Variants in LRRK1 observed in about 807,000 individuals in gnomAD.
LRRK1 encodes leucine-rich repeat serine/threonine-protein kinase 1.
A neutral mutation model predicts 209.1 loss-of-function variants in LRRK1; 113 were observed. The observed-to-expected ratio is 0.54, with a 90% CI of 0.46 to 0.63. The LOEUF is 0.63. Ranked by LOEUF, LRRK1 falls within the 30% of genes least tolerant of loss-of-function variation. LRRK1 has a pLI of 0.00. For synonymous variants in LRRK1, 1,144 were observed against 1,099.7 expected (o/e 1.04, Z -0.80); for missense variants, 2,284 against 2,632.2 (o/e 0.87, Z 2.89).
chr15:101,001,884 T>C (rs2032709472), intron 6 of LRRK1, among the ~76,000 whole-genome samples: 1 of 152,202 alleles, frequency 6.6e-6, no homozygotes, highest in South Asian at 2.1e-4. Context: ...CTATGAATTC[T>C]GCTGTGGGGT....
intron 12 of LRRK1, among the ~76,000 whole-genome samples, chr15:101,017,603 CCG>C (rs2033602500): frequency 6.6e-6 from 1 of 152,048 alleles, no homozygotes; most frequent in African/African-American, 2.4e-5. Flanking sequence ...CTATTGTGAA[CCG>C]CGTCTGTGAG....
rs1400436058 is a variant in LRRK1 at position 101,074,816 on chromosome 15, G to C, written c.*5968G>C. ...CCTCCCCCAGGAGCTTGCTACAAGTGCCAGAAATCTGGCCACCAGGCCAAG... is the reference window on the plus strand; with the variant it reads ...CCTCCCCCAGGAGCTTGCTACAAGTCCCAGAAATCTGGCCACCAGGCCAAG... On this transcript the variant is annotated 3_prime_UTR_variant, in exon 34 of 34. Coordinates refer to ENST00000388948, the MANE Select transcript of LRRK1 (RefSeq NM_024652.6). 1 of 152,042 alleles carries C rather than the reference G, an allele frequency of 6.6e-6. No homozygotes were observed. Among genetic ancestry groups the C allele is most frequent in the South Asian group, 2.1e-4 (1 of 4,822 alleles). The allele number at this position is 152,042 out of a possible 1,614,324, so 9.4% of individuals were successfully genotyped here. A position where few individuals can be genotyped will look rare whatever the true frequency, so the allele number is the denominator to read the frequency against.
At chr15:101,049,811 TC>T in intron 23 of LRRK1, 28 bp downstream of exon 23, 1 of 1,600,884 alleles carries the variant, frequency 6.2e-7, no homozygotes, top group Non-Finnish European at 8.5e-7. Flanking sequence ...AAGCAAGCCC[TC>T]ATTCATGCTA....
At chr15:101,044,594 G>A (rs6598427) in intron 20 of LRRK1, among the ~76,000 whole-genome samples, 113,486 of 152,140 alleles carry the variant, frequency 0.75, 44,124 homozygotes, top group South Asian at 0.88. Flanking sequence ...TATTTGCCAT[G>A]TCACCTTCTA....
At chr15:101,037,164 A>G (rs2034523836) in intron 20 of LRRK1, among the ~76,000 whole-genome samples, 1 of 152,146 alleles carries the variant, frequency 6.6e-6, no homozygotes, top group Non-Finnish European at 1.5e-5. Context: ...GGCAGCTGGC[A>G]TGGTGTGGGT....
chr15:101,018,984 G>C (rs2033663656), intron 12 of LRRK1, among the ~76,000 whole-genome samples: 1 of 152,224 alleles, frequency 6.6e-6, no homozygotes, highest in Non-Finnish European at 1.5e-5. Flanking sequence ...AGTCATATTT[G>C]TGCAGTGGCC....
intron 2 of LRRK1, among the ~76,000 whole-genome samples, chr15:100,943,609 G>T (rs1164586784): frequency 6.8e-6 from 1 of 147,706 alleles, no homozygotes; most frequent in Non-Finnish European, 1.5e-5. Context: ...CTTTTTACTT[G>T]GTTCTTTTTT....
In LRRK1 at chr15:100,924,502, C is replaced by T. The variant is rs1046217066; in HGVS notation, c.-122-9C>T. ...AAGGCTTTCTGTTTTGATTGTTTTT[C>T]GCCACCAGAGCAAGAAAGCTTTCTG... On this transcript the variant is annotated splice_polypyrimidine_tract_variant and intron_variant, in intron 1 of 33. Transcript: ENST00000388948. 5.9e-6 allele frequency: 4 copies of T among 681,092 alleles called. No individual in the cohort carries two copies. Among genetic ancestry groups the T allele is most frequent in the East Asian group, 2.7e-5 (1 of 36,688 alleles). The allele number at this position is 681,092 out of a possible 1,614,324, so 42.2% of individuals were successfully genotyped here. A position where few individuals can be genotyped will look rare whatever the true frequency, so the allele number is the denominator to read the frequency against.
At chr15:100,937,701 AT>A (rs934947757) in intron 2 of LRRK1, among the ~76,000 whole-genome samples, 2 of 149,642 alleles carry the variant, frequency 1.3e-5, no homozygotes, top group African/African-American at 4.9e-5. Context: ...CGCCCGGCTA[AT>A]TTTTTTGTAT....
chr15:101,057,852 G>C, intron 28 of LRRK1, 138 bp from the exon 29 acceptor site: 1 of 949,960 alleles, frequency 1.1e-6, no homozygotes, highest in East Asian at 2.4e-5. Flanking sequence ...AGCTGTTTCA[G>C]CCTCTTGTTT....
chr15:101,062,722 C>T, intron 31 of LRRK1, 32 bp downstream of exon 31: 2 of 1,472,778 alleles, frequency 1.4e-6, no homozygotes, highest in Non-Finnish European at 1.9e-6. Context: ...GTATGCAGGT[C>T]TCTGATGCAC....
intron 31 of LRRK1, chr15:101,065,106 G>C: frequency 1.8e-6 from 1 of 566,612 alleles, no homozygotes. Flanking sequence ...GGTGCCACAG[G>C]CCCTGCCTCT....
intron 2 of LRRK1, among the ~76,000 whole-genome samples, chr15:100,941,438 G>GTGTGTCTCTGTGTGTGTC (rs2042427005): frequency 2.3e-5 from 2 of 86,700 alleles, no homozygotes; most frequent in African/African-American, 9.9e-5. Context: ...CTGTGTGTGT[G>GTGTGTCTCTGTGTGTGTC]TGTGTGTCTG....
intron 7 of LRRK1, 108 bp downstream of exon 7, chr15:101,009,171 G>C: frequency 1.2e-6 from 1 of 852,952 alleles, no homozygotes; most frequent in East Asian, 2.7e-5. Flanking sequence ...AAAATGTTCT[G>C]GCTAAAATAG....
At position 101,065,504 on chromosome 15, in the gene LRRK1, C is replaced by A; in HGVS notation, c.5067C>A (p.Asn1689Lys). 1 of 1,614,214 alleles carries A rather than the reference C, an allele frequency of 6.2e-7. No homozygotes were observed. Among genetic ancestry groups the A allele is most frequent in the East Asian group, 2.2e-5 (1 of 44,886 alleles). ...FSIADEDARQNPYPVKAMEVV... is the reference protein window; with the variant it reads ...FSIADEDARQKPYPVKAMEVV... ...TCGCGGATGAAGACGCACGGCAGAA[C>A]CCCTACCCAGTGAAGGCCATGGAGG... The change falls in exon 32 of 34, where the codon AAC (asparagine) becomes AAA (lysine). Residue 1689 changes from asparagine (N) to lysine (K), a missense_variant. Physicochemically the swap from Asn to Lys is moderately conservative, Grantham distance 94 (BLOSUM62 0). Around this residue, in one of 6 missense-constraint regions of LRRK1, gnomAD observed 643 missense variants for 695.9 expected, o/e 0.92. Coordinates refer to ENST00000388948, the MANE Select transcript of LRRK1 (RefSeq NM_024652.6).
chr15:100,952,992 G>C (rs898545393), intron 2 of LRRK1, among the ~76,000 whole-genome samples: 2 of 152,060 alleles, frequency 1.3e-5, no homozygotes, highest in African/African-American at 2.4e-5. Flanking sequence ...TTTTATTGAG[G>C]TATAATTGCC....
chr15:101,018,565 G>A (rs759736336), intron 12 of LRRK1, among the ~76,000 whole-genome samples: 4 of 152,168 alleles, frequency 2.6e-5, no homozygotes, highest in African/African-American at 9.7e-5. Context: ...GGAGGAGTGT[G>A]CAAGGAAGTG....
At chr15:101,049,547 C>T in intron 22 of LRRK1, 97 bp from the exon 23 acceptor site, 2 of 1,416,634 alleles carry the variant, frequency 1.4e-6, no homozygotes, top group African/African-American at 2.9e-5. Context: ...CTCTCCAGGT[C>T]CCCGGGGGTT....
chr15:101,062,600 C>T lies in LRRK1; in HGVS notation c.4824C>T (p.Leu1608=). The part of the protein sequence containing the change: ...TEDQKIYIYT[L]KGMCPLNTPQ... ...ACCAGAAAATCTACATCTACACCCT[C>T]AAGGGCATGTGCCCCTTAAACACAC... Residue 1608 remains leucine, a synonymous_variant, in exon 31 of 34, where the codon CTC becomes CTT. Transcript: ENST00000388948. 1 of 1,614,016 alleles carries T rather than the reference C, an allele frequency of 6.2e-7. No individual in the cohort carries two copies. Among genetic ancestry groups the T allele is most frequent in the South Asian group, 1.1e-5 (1 of 91,080 alleles).
Sources: gnomAD v4.1 joint callset for allele counts (sites outside exome capture counted in the v4.1 genomes callset) on GRCh38, gnomAD v4.1.1 for gene constraint, gnomAD v4.1.1 regional missense constraint, MANE v1.5 for transcripts, NCBI Gene and HGNC (gene_info 2026-07-23, HGNC 2026-07-21) for gene names.